Variants in MRAS observed in about 807,000 individuals in gnomAD.
MRAS encodes the protein ras-related protein M-Ras.
Under a neutral mutation model 20.9 loss-of-function variants are expected in MRAS, and 4 were observed. That is an observed-to-expected ratio of 0.19 (90% CI 0.09 to 0.44). The LOEUF (loss-of-function observed/expected upper bound fraction) is 0.44. MRAS is among the 20% of genes least tolerant of loss of function. The pLI is 0.99. For synonymous variants in MRAS, 98 were observed against 102.9 expected, an observed-to-expected ratio of 0.95 and a Z score of 0.29; for missense variants, 154 against 277.5, an observed-to-expected ratio of 0.56 and a Z score of 3.16.
Position 138,398,488 on chromosome 3 carries a change from C to G in MRAS, c.367C>G (p.Leu123Val). The G allele has an allele frequency of 2.5e-6, 4 of 1,614,120 alleles. No homozygotes were observed. Among genetic ancestry groups the G allele is most frequent in the Non-Finnish European group, 3.4e-6 (4 of 1,180,004 alleles). ...VKDRESFPMI[L>V]VANKVDLMHL... Reference sequence around the variant, plus strand: ...TCCCAGGGAGTCATTCCCGATGATCCTCGTGGCCAACAAGGTCGATTTGAT... The same window carrying G: ...TCCCAGGGAGTCATTCCCGATGATCGTCGTGGCCAACAAGGTCGATTTGAT... The change falls in exon 4 of 6, where the codon CTC becomes GTC. Residue 123 changes from leucine to valine, a missense_variant. Coordinates refer to ENST00000423968, the MANE Select transcript of MRAS (RefSeq NM_001085049.3).
Position 138,402,443 on chromosome 3 carries a change from C to T in MRAS, c.*174C>T. ...ACAGGGTCTGGCTTTGCCCAGAGGG[C>T]ACGGGCTTTCCCACCTCTCAAAGAG... On this transcript the variant is annotated 3_prime_UTR_variant, in exon 6 of 6. Coordinates refer to ENST00000423968, the MANE Select transcript of MRAS (RefSeq NM_001085049.3). 1 of 594,036 alleles carries T rather than the reference C, an allele frequency of 1.7e-6. No homozygotes were observed. The highest frequency in any genetic ancestry group is 2.5e-5 in the South Asian group (1 of 39,540). The allele number at this position is 594,036 out of a possible 1,614,324, so 36.8% of individuals were successfully genotyped here.
chr3:138,353,527 C>T (rs958268883), intron 1 of MRAS, among the ~76,000 whole-genome samples: 2 of 152,192 alleles, frequency 1.3e-5, no homozygotes, highest in Non-Finnish European at 2.9e-5. Flanking sequence ...TTCCCTTCTT[C>T]CCTTAACCTG....
rs997317153 is a variant in MRAS at position 138,400,705 on chromosome 3, G to A, written c.527+92G>A. On this transcript the variant is annotated intron_variant, in intron 5 of 5. Coordinates refer to ENST00000423968, the MANE Select transcript of MRAS (RefSeq NM_001085049.3). The stretch of plus-strand genomic sequence containing the variant: ...AGCTTGAGGAAGCAGCTCCTGTTCT[G>A]AGGCCATGAGGCTGTGGAATTCTGG... 9.9e-6 allele frequency: 10 copies of A among 1,008,162 alleles called. No homozygotes were observed. The African/African-American group carries it at 1.5e-4, about 15-fold the overall frequency. The allele number at this position is 1,008,162 out of a possible 1,614,324, so 62.5% of individuals were successfully genotyped here. A position where few individuals can be genotyped will look rare whatever the true frequency, so the allele number is the denominator to read the frequency against.
intron 2 of MRAS, among the ~76,000 whole-genome samples, chr3:138,380,703 C>T (rs1576368541): frequency 6.6e-6 from 1 of 151,958 alleles, no homozygotes; most frequent in African/African-American, 2.4e-5. Context: ...ATGTGGCTGG[C>T]TTATTTTAAT....
At chr3:138,382,253 C>G (rs902579718) in intron 2 of MRAS, among the ~76,000 whole-genome samples, 2 of 152,346 alleles carry the variant, frequency 1.3e-5, no homozygotes, top group African/African-American at 4.8e-5. Context: ...GGGCAGTGCT[C>G]TCTGGTAGAA....
intron 4 of MRAS, 113 bp downstream of exon 4, chr3:138,398,681 C>G (rs991235829): frequency 1.1e-6 from 1 of 908,392 alleles, no homozygotes; most frequent in Non-Finnish European, 1.7e-6. Context: ...GAAGGGCTCC[C>G]CTTAGTTTAA....
In MRAS at chr3:138,383,786, T is replaced by G. The variant is rs538727560; in HGVS notation, c.193+10710T>G. ...ATCAAAGCCCCTGCTCTCATGAAGC[T>G]TATATTTTAGTGGGGTGAGGGGACA... On this transcript the variant is annotated intron_variant, in intron 2 of 5. Coordinates refer to ENST00000423968, the MANE Select transcript of MRAS (RefSeq NM_001085049.3). 8.8e-4 allele frequency among the ~76,000 whole-genome samples: 134 copies of G among 152,324 alleles called. 3 individuals carry two copies. The South Asian group carries it at 0.025, about 28-fold the overall frequency.
Position 138,398,465 on chromosome 3 carries a change from C to G in MRAS, c.348-4C>G. The G allele has an allele frequency of 6.2e-7, 1 of 1,613,546 alleles. No homozygotes were observed. The highest frequency in any genetic ancestry group is 2.2e-5 in the East Asian group (1 of 44,868). On this transcript the variant is annotated splice_region_variant and splice_polypyrimidine_tract_variant and intron_variant, in intron 3 of 5. Transcript: ENST00000423968. ...CACAGAGCTGCTGTTCCTTTATTTCCCAGGGAGTCATTCCCGATGATCCTC... is the reference window on the plus strand; with the variant it reads ...CACAGAGCTGCTGTTCCTTTATTTCGCAGGGAGTCATTCCCGATGATCCTC...
rs371508813 is a variant in MRAS at position 138,351,903 on chromosome 3, A to G, written c.-19+3136A>G. On this transcript the variant is annotated intron_variant, in intron 1 of 5. Coordinates refer to ENST00000423968, the MANE Select transcript of MRAS (RefSeq NM_001085049.3). ...AATTCAGGGGATTCATGGATCTCTG[A>G]AAACCAGCCCTGGATCCCAGTTTAG... 7.2e-5 allele frequency among the ~76,000 whole-genome samples: 11 copies of G among 152,350 alleles called. No homozygotes were observed. The East Asian group carries it at 2.1e-3, about 29-fold the overall frequency.
At chr3:138,379,650 G>A (rs1211317592) in intron 2 of MRAS, among the ~76,000 whole-genome samples, 5 of 152,126 alleles carry the variant, frequency 3.3e-5, no homozygotes, top group African/African-American at 7.2e-5. Context: ...GAGCCACTGC[G>A]CCCAGCCTCA....
At chr3:138,369,859 G>A (rs1405349027) in intron 1 of MRAS, among the ~76,000 whole-genome samples, 3 of 152,166 alleles carry the variant, frequency 2.0e-5, no homozygotes, top group African/African-American at 7.2e-5. Flanking sequence ...TCTGAGTGCC[G>A]ACTCAAAGGT....
intron 4 of MRAS, 187 bp from the exon 5 acceptor site, chr3:138,400,347 T>C (rs540188880): frequency 1.7e-6 from 1 of 582,940 alleles, no homozygotes; most frequent in African/African-American, 1.9e-5. Flanking sequence ...GAAAAGCCAT[T>C]AGTAACACTT....
At chr3:138,398,346 TC>T (rs2055284890) in intron 3 of MRAS, 122 bp from the exon 4 acceptor site, 2 of 778,516 alleles carry the variant, frequency 2.6e-6, no homozygotes, top group Non-Finnish European at 4.4e-6. Flanking sequence ...GGGACTGCAG[TC>T]CAGGCTGACT....
chr3:138,365,224 C>G (rs367844853), intron 1 of MRAS, among the ~76,000 whole-genome samples: 2 of 152,312 alleles, frequency 1.3e-5, no homozygotes, highest in East Asian at 3.9e-4. Context: ...ACATTGTTTA[C>G]CTTAAATGTT....
chr3:138,352,056 G>C (rs2054239279), intron 1 of MRAS, among the ~76,000 whole-genome samples: 1 of 152,232 alleles, frequency 6.6e-6, no homozygotes. Flanking sequence ...GGGGCCAAGA[G>C]TACAAATAGA....
At chr3:138,374,962 A>G (rs55928414) in intron 2 of MRAS, among the ~76,000 whole-genome samples, 4,274 of 152,076 alleles carry the variant, frequency 0.028, 89 homozygotes, top group Non-Finnish European at 0.042. Context: ...GCTCACTGCA[A>G]CCACAAAATA....
intron 1 of MRAS, among the ~76,000 whole-genome samples, chr3:138,354,550 G>T (rs997141788): frequency 6.6e-5 from 10 of 152,166 alleles, no homozygotes; most frequent in Admixed American, 1.3e-4. Flanking sequence ...TGACCACATT[G>T]TGGAGAAGCC....
intron 1 of MRAS, among the ~76,000 whole-genome samples, chr3:138,359,730 C>G (rs2054406298): frequency 6.6e-6 from 1 of 152,144 alleles, no homozygotes; most frequent in South Asian, 2.1e-4. Flanking sequence ...TGCTGCTGCT[C>G]TCTTCAGTGA....
chr3:138,349,097 G>A (rs1420905825), intron 1 of MRAS: 2 of 150,500 alleles, frequency 1.3e-5, no homozygotes, highest in South Asian at 4.2e-4. Context: ...AGGACGGGGC[G>A]GCGGGGGATG....
Sources: gnomAD v4.1 joint callset for allele counts (sites outside exome capture counted in the v4.1 genomes callset) on GRCh38, gnomAD v4.1.1 for gene constraint, MANE v1.5 for transcripts, NCBI Gene and HGNC (gene_info 2026-07-23, HGNC 2026-07-21) for gene names.